Variants in RALGAPA2 observed in about 807,000 individuals in gnomAD.
RALGAPA2 encodes ral GTPase-activating protein subunit alpha-2.
RALGAPA2 carries 139 observed loss-of-function variants against 230.4 expected under a neutral mutation model. The observed-to-expected ratio is 0.60, with a 90% confidence interval of 0.53 to 0.69. The LOEUF (loss-of-function observed/expected upper bound fraction) is 0.69, where lower values mean the gene tolerates loss of function less well. RALGAPA2 is among the 30% of genes least tolerant of loss of function. The probability of loss-of-function intolerance (pLI) is 0.00; values close to 1 mark genes in which losing one functional copy is unlikely to be tolerated. For missense variants in RALGAPA2, 2,163 were observed against 2,276.0 expected (o/e 0.95, Z 1.01); for synonymous variants, 847 against 837.8 (o/e 1.01, Z -0.19).
At chr20:20,510,111 G>A (rs759678116) in intron 33 of RALGAPA2, among the ~76,000 whole-genome samples, 62 of 152,146 alleles carry the variant, frequency 4.1e-4, no homozygotes, top group Non-Finnish European at 7.1e-4. Context: ...CAAAGCCACT[G>A]AAACACACAC....
intron 23 of RALGAPA2, among the ~76,000 whole-genome samples, chr20:20,557,573 G>A (rs895213296): frequency 2.6e-5 from 4 of 152,218 alleles, no homozygotes; most frequent in East Asian, 1.9e-4. Context: ...GGTCATGGCT[G>A]CAAGGGCATA....
At position 20,617,770 on chromosome 20, in the gene RALGAPA2, G is replaced by A. The variant is rs76009592; in HGVS notation, c.1539+1507C>T. 6.9e-3 allele frequency among the ~76,000 whole-genome samples: 1,055 copies of A among 152,226 alleles called. 12 individuals are homozygous for A. Among genetic ancestry groups the A allele is most frequent in the African/African-American group, 0.024 (1,000 of 41,546 alleles). On this transcript the variant is annotated intron_variant, in intron 12 of 39. Transcript: ENST00000202677. The stretch of plus-strand genomic sequence containing the variant: ...CTTGAACATCTGAGACACAGTCGGA[G>A]AAAAGAAAGAAAATTACTGTCTTAT...
chr20:20,423,688 A>C (rs1403533626), intron 37 of RALGAPA2, among the ~76,000 whole-genome samples: 1 of 152,226 alleles, frequency 6.6e-6, no homozygotes, highest in Admixed American at 6.5e-5. Flanking sequence ...CTTTCAATAT[A>C]ATGTAAATTT....
chr20:20,543,320 C>T (rs892384444), intron 24 of RALGAPA2, among the ~76,000 whole-genome samples: 1 of 152,174 alleles, frequency 6.6e-6, no homozygotes, highest in Non-Finnish European at 1.5e-5. Flanking sequence ...GTCGGGATTA[C>T]AGGCGTGAGC....
chr20:20,578,558 A>G (rs923930055), intron 20 of RALGAPA2, among the ~76,000 whole-genome samples: 3 of 152,186 alleles, frequency 2.0e-5, no homozygotes, highest in African/African-American at 4.8e-5. Context: ...AAATATAGAA[A>G]GGATTTCAGC....
intron 36 of RALGAPA2, among the ~76,000 whole-genome samples, chr20:20,481,168 C>T (rs917889020): frequency 1.3e-5 from 2 of 152,200 alleles, no homozygotes; most frequent in South Asian, 2.1e-4. Flanking sequence ...CTGAAGTCCA[C>T]GTGGCAACAC....
At chr20:20,630,378 A>AT (rs2066631696) in intron 9 of RALGAPA2, among the ~76,000 whole-genome samples, 1 of 152,234 alleles carries the variant, frequency 6.6e-6, no homozygotes, top group Non-Finnish European at 1.5e-5. Flanking sequence ...CACTGTGAGT[A>AT]TTTTTTACAA....
chr20:20,512,334 A>C (rs1184881430), intron 32 of RALGAPA2, among the ~76,000 whole-genome samples, 179 bp downstream of exon 32: 1 of 152,160 alleles, frequency 6.6e-6, no homozygotes, highest in Non-Finnish European at 1.5e-5. Flanking sequence ...AGTACAGCAT[A>C]ATTTCATTTC....
chr20:20,545,598 T>C (rs1331757258), intron 24 of RALGAPA2, among the ~76,000 whole-genome samples: 2 of 152,220 alleles, frequency 1.3e-5, no homozygotes, highest in Non-Finnish European at 2.9e-5. Flanking sequence ...AGATTTAGGT[T>C]GTTGGATGGC....
At chr20:20,393,280 G>C (rs1415513481) in intron 39 of RALGAPA2, 27 bp from the exon 40 acceptor site, 2 of 1,300,796 alleles carry the variant, frequency 1.5e-6, no homozygotes, top group South Asian at 2.6e-5. Flanking sequence ...GAACTGCTAA[G>C]TCATGGAGGC....
chr20:20,408,732 G>A (rs1217250637), intron 38 of RALGAPA2, among the ~76,000 whole-genome samples: 2 of 152,194 alleles, frequency 1.3e-5, no homozygotes, highest in Admixed American at 6.5e-5. Flanking sequence ...CCCAATATGT[G>A]TGTGTGTGTG....
intron 37 of RALGAPA2, among the ~76,000 whole-genome samples, chr20:20,419,371 G>A (rs745689656): frequency 4.5e-4 from 69 of 152,268 alleles, no homozygotes; most frequent in Non-Finnish European, 7.9e-4. Flanking sequence ...GCTTCAAGTC[G>A]AAGGTTGATA....
intron 1 of RALGAPA2, among the ~76,000 whole-genome samples, chr20:20,687,299 A>G (rs1427030253): frequency 6.6e-6 from 1 of 152,228 alleles, no homozygotes; most frequent in African/African-American, 2.4e-5. Flanking sequence ...TTAGTAATGC[A>G]CCATTACTTA....
intron 31 of RALGAPA2, among the ~76,000 whole-genome samples, chr20:20,518,406 A>G (rs1483112463): frequency 1.3e-5 from 2 of 151,938 alleles, no homozygotes; most frequent in Non-Finnish European, 2.9e-5. Flanking sequence ...ACACTGAGTG[A>G]AAAAAAATAC....
At chr20:20,606,665 G>A (rs998684541) in intron 14 of RALGAPA2, among the ~76,000 whole-genome samples, 29 of 151,908 alleles carry the variant, frequency 1.9e-4, no homozygotes, top group South Asian at 6.2e-4. Flanking sequence ...TCCAGGAAGT[G>A]TCCTCCAGGT....
intron 1 of RALGAPA2, among the ~76,000 whole-genome samples, chr20:20,697,209 G>A (rs560569213): frequency 6.6e-6 from 1 of 152,216 alleles, no homozygotes; most frequent in South Asian, 2.1e-4. Flanking sequence ...AAAGGGCAAC[G>A]CTTTACTTCC....
chr20:20,420,944 G>A (rs1158348629), intron 37 of RALGAPA2, among the ~76,000 whole-genome samples: 2 of 152,226 alleles, frequency 1.3e-5, no homozygotes, highest in Non-Finnish European at 2.9e-5. Flanking sequence ...TTTTGGTATA[G>A]AGGATGCACA....
chr20:20,654,176 T>C (rs1018916156), intron 3 of RALGAPA2, among the ~76,000 whole-genome samples: 1 of 152,234 alleles, frequency 6.6e-6, no homozygotes, highest in Non-Finnish European at 1.5e-5. Flanking sequence ...ATTCCATATA[T>C]ATGAGATCAT....
At chr20:20,482,477 A>G (rs915528830) in intron 36 of RALGAPA2, among the ~76,000 whole-genome samples, 5 of 152,046 alleles carry the variant, frequency 3.3e-5, no homozygotes, top group African/African-American at 1.2e-4. Context: ...GGAAGAGCGG[A>G]GCACTCCAGA....
Sources: allele counts gnomAD v4.1 joint callset (sites outside exome capture counted in the v4.1 genomes callset), GRCh38; gene constraint gnomAD v4.1.1; transcripts MANE v1.5; gene names NCBI Gene and HGNC (gene_info 2026-07-23, HGNC 2026-07-21).